The following PHACTR1 variants were observed in gnomAD, a reference collection of about 807,000 sequenced individuals.
PHACTR1 encodes the protein RPEL repeat containing 1.
PHACTR1 carries 16 observed loss-of-function variants against 69.2 expected under a neutral mutation model. The ratio of observed to expected loss-of-function variants is 0.23; its 90% CI spans 0.16 to 0.35. The LOEUF (loss-of-function observed/expected upper bound fraction) is 0.35. Among genes scored for constraint, PHACTR1 ranks in the 10% least tolerant of loss-of-function variants. The probability of loss-of-function intolerance (pLI) is 1.00; values close to 1 mark genes in which losing one functional copy is unlikely to be tolerated. For synonymous variants in PHACTR1, 312 were observed against 284.5 expected, an observed-to-expected ratio of 1.10 and a Z score of -0.97; for missense variants, 510 against 734.7, an observed-to-expected ratio of 0.69 and a Z score of 3.54.
chr6:12,917,001 G>A (rs1582468615), intron 4 of PHACTR1, among the ~76,000 whole-genome samples: 2 of 152,146 alleles, frequency 1.3e-5, no homozygotes, highest in African/African-American at 2.4e-5. Context: ...AAATCCAAAC[G>A]ACTTCTAGTT....
chr6:13,254,801 A>T lies in PHACTR1; in HGVS notation c.1392-18059A>T, dbSNP rs575195557. Among the ~76,000 whole-genome samples the T allele has an allele frequency of 2.6e-5, 4 of 152,336 alleles. No homozygotes were observed. The South Asian group carries it at 8.3e-4, about 32-fold the overall frequency. On this transcript the variant is annotated intron_variant, in intron 10 of 14. Transcript: ENST00000332995. ...TTTTTCAGTGTGACTCATGTAGATT[A>T]CTGTTAGTTGCATCTTCCATAAGAG...
intron 5 of PHACTR1, among the ~76,000 whole-genome samples, chr6:13,071,313 A>G (rs1809488911): frequency 1.3e-5 from 2 of 152,142 alleles, no homozygotes; most frequent in African/African-American, 4.8e-5. Flanking sequence ...CTGTAATCCC[A>G]GCTACATGGG....
rs1173750754 is a variant in PHACTR1 at position 13,283,124 on chromosome 6, G to A, written c.1510-298G>A. On this transcript the variant is annotated intron_variant, in intron 12 of 14. Transcript: ENST00000332995. This position sits in a 1 kb window ranked among gnomAD's most constrained non-coding sequence, Gnocchi z 4.7. ...TTACATTAGTCTCCTTCCTTGTTTT[G>A]AAAATTTACATAATAAAAGATTTTT... 6.6e-6 allele frequency among the ~76,000 whole-genome samples: 1 copy of A among 150,758 alleles called. No homozygotes were observed. Among genetic ancestry groups the A allele is most frequent in the East Asian group, 1.9e-4 (1 of 5,158 alleles).
chr6:12,745,671 A>G lies in PHACTR1; in HGVS notation c.104-3973A>G, dbSNP rs558190774. On this transcript the variant is annotated intron_variant, in intron 3 of 14. Coordinates refer to ENST00000332995, the MANE Select transcript of PHACTR1 (RefSeq NM_030948.6). Reference sequence around the variant, plus strand: ...CCATGTGGTTTTCTAAATATAATTCATTACAAAGGACCAATGTATTTTCTT... The same window carrying G: ...CCATGTGGTTTTCTAAATATAATTCGTTACAAAGGACCAATGTATTTTCTT... Among the ~76,000 whole-genome samples the G allele has an allele frequency of 2.0e-5, 3 of 152,348 alleles. No individual in the cohort carries two copies. The South Asian group carries it at 6.2e-4, about 32-fold the overall frequency.
intron 3 of PHACTR1, among the ~76,000 whole-genome samples, chr6:12,728,328 A>G (rs1763059857): frequency 6.6e-6 from 1 of 152,086 alleles, no homozygotes; most frequent in Admixed American, 6.5e-5. Context: ...AAAAAAATCA[A>G]GAAGAATAAA....
At chr6:13,278,999 A>G (rs1390448987) in intron 12 of PHACTR1, among the ~76,000 whole-genome samples, 3 of 150,548 alleles carry the variant, frequency 2.0e-5, no homozygotes, top group African/African-American at 7.3e-5. Context: ...AATATTACAC[A>G]ATTATTTGCT....
intron 4 of PHACTR1, among the ~76,000 whole-genome samples, chr6:12,946,774 C>T (rs994411290): frequency 4.7e-5 from 7 of 148,914 alleles, no homozygotes; most frequent in Admixed American, 2.0e-4. Context: ...TCAAAAGAAG[C>T]ATTACACATA....
At chr6:12,735,890 G>A (rs1471419820) in intron 3 of PHACTR1, among the ~76,000 whole-genome samples, 1 of 152,186 alleles carries the variant, frequency 6.6e-6, no homozygotes, top group Non-Finnish European at 1.5e-5. Flanking sequence ...GAGGAACACA[G>A]TAGAGCTGGA....
chr6:12,923,155 T>A (rs949169707), intron 4 of PHACTR1, among the ~76,000 whole-genome samples: 11 of 152,244 alleles, frequency 7.2e-5, no homozygotes, highest in Admixed American at 2.0e-4. Context: ...AACTCAAAAG[T>A]TAATGCAAAG....
chr6:12,912,568 A>C (rs1217337353), intron 4 of PHACTR1, among the ~76,000 whole-genome samples: 1 of 152,110 alleles, frequency 6.6e-6, no homozygotes, highest in Non-Finnish European at 1.5e-5. Flanking sequence ...TGTTTCCCCC[A>C]TGCCTTCCAC....
At chr6:12,776,362 GA>G (rs1278481767) in intron 4 of PHACTR1, among the ~76,000 whole-genome samples, 2 of 152,144 alleles carry the variant, frequency 1.3e-5, no homozygotes, top group Non-Finnish European at 2.9e-5. Flanking sequence ...TACTTGTGCT[GA>G]AAAAGCTTAC....
In PHACTR1 at chr6:13,200,445, C is replaced by A. The variant is rs902745726; in HGVS notation, c.665-5370C>A. 2.0e-5 allele frequency among the ~76,000 whole-genome samples: 3 copies of A among 152,082 alleles called. No homozygotes were observed. In the East Asian group the frequency reaches 5.8e-4, roughly 29 times the overall value. ...ACAGGCACGTGCCACCACACCCGGC[C>A]AGGAAGCATCTTAAATCCAAATGTC... On this transcript the variant is annotated intron_variant, in intron 7 of 14. Coordinates refer to ENST00000332995, the MANE Select transcript of PHACTR1 (RefSeq NM_030948.6).
At chr6:13,191,736 A>G (rs904944659) in intron 7 of PHACTR1, among the ~76,000 whole-genome samples, 5 of 152,000 alleles carry the variant, frequency 3.3e-5, no homozygotes, top group Admixed American at 2.6e-4. Flanking sequence ...CCCAGGAGGG[A>G]CAGTCTCCCC....
At chr6:12,999,148 T>G (rs528074111) in intron 4 of PHACTR1, among the ~76,000 whole-genome samples, 1 of 152,336 alleles carries the variant, frequency 6.6e-6, no homozygotes, top group Admixed American at 6.5e-5. Flanking sequence ...TTGATTAGGA[T>G]GCTCACTGGA....
At chr6:12,731,444 G>A (rs1299440334) in intron 3 of PHACTR1, among the ~76,000 whole-genome samples, 1 of 152,192 alleles carries the variant, frequency 6.6e-6, no homozygotes. Flanking sequence ...TTGAATTCTT[G>A]TCTCTGAAAA....
chr6:13,027,137 G>A (rs1801805825), intron 4 of PHACTR1, among the ~76,000 whole-genome samples: 1 of 152,022 alleles, frequency 6.6e-6, no homozygotes, highest in East Asian at 1.9e-4. Context: ...TGGGAAGTGG[G>A]TGGGGAGAAA....
intron 3 of PHACTR1, among the ~76,000 whole-genome samples, chr6:12,724,313 C>T (rs1477201519): frequency 1.3e-5 from 2 of 151,852 alleles, no homozygotes; most frequent in Non-Finnish European, 2.9e-5. Flanking sequence ...GGTGACAGAG[C>T]GAGACTCCAT....
chr6:13,032,255 T>C (rs1228862668), intron 4 of PHACTR1, among the ~76,000 whole-genome samples: 1 of 152,246 alleles, frequency 6.6e-6, no homozygotes, highest in Non-Finnish European at 1.5e-5. Context: ...TTGTGGCCCA[T>C]AGTATTTTAA....
chr6:12,940,815 C>T (rs1789982782), intron 4 of PHACTR1, among the ~76,000 whole-genome samples: 1 of 152,188 alleles, frequency 6.6e-6, no homozygotes, highest in Non-Finnish European at 1.5e-5. Context: ...ACACTTGTCC[C>T]TTAATATGTA....
Sources: allele counts gnomAD v4.1 joint callset (sites outside exome capture counted in the v4.1 genomes callset), GRCh38; gene constraint gnomAD v4.1.1; non-coding constraint Gnocchi (gnomAD v3.1); transcripts MANE v1.5; gene names NCBI Gene and HGNC (gene_info 2026-07-23, HGNC 2026-07-21).